PPP1R1C: variants seen among roughly 807,000 people sequenced by gnomAD.
The protein encoded by PPP1R1C is protein phosphatase 1 regulatory subunit 1C.
In PPP1R1C, 15 loss-of-function variants were observed where a neutral mutation model predicts 17.4. The observed-to-expected ratio is 0.86, with a 90% CI of 0.58 to 1.33. The LOEUF (loss-of-function observed/expected upper bound fraction) is 1.33. PPP1R1C is among the 40% of genes most tolerant of loss of function. The probability of loss-of-function intolerance (pLI) is 0.00; values close to 1 mark genes in which losing one functional copy is unlikely to be tolerated. For missense variants in PPP1R1C, 143 were observed against 130.0 expected (o/e 1.10, Z -0.48); for synonymous variants, 35 against 43.1 (o/e 0.81, Z 0.73).
intron 2 of PPP1R1C, among the ~76,000 whole-genome samples, chr2:182,058,904 T>G (rs1687767094): frequency 6.6e-6 from 1 of 152,140 alleles, no homozygotes; most frequent in South Asian, 2.1e-4. Flanking sequence ...TTTTGTTTCC[T>G]TTGCTCTTAC....
At chr2:182,069,310 T>G (rs1688076071) in intron 4 of PPP1R1C, among the ~76,000 whole-genome samples, 1 of 152,088 alleles carries the variant, frequency 6.6e-6, no homozygotes, top group African/African-American at 2.4e-5. Flanking sequence ...TGCTCCTATT[T>G]CCAGACCCAC....
chr2:182,012,296 G>A (rs952781228), intron 2 of PPP1R1C, among the ~76,000 whole-genome samples: 1 of 151,916 alleles, frequency 6.6e-6, no homozygotes, highest in South Asian at 2.1e-4. Flanking sequence ...ATGGGTGGGT[G>A]CATATATGTT....
chr2:182,007,838 G>A (rs890194371), intron 2 of PPP1R1C, among the ~76,000 whole-genome samples: 5 of 152,188 alleles, frequency 3.3e-5, no homozygotes, highest in African/African-American at 1.2e-4. Flanking sequence ...TGAGGCGGGT[G>A]GATCACGAGG....
intron 1 of PPP1R1C, among the ~76,000 whole-genome samples, chr2:181,963,219 G>A (rs1684840788): frequency 6.6e-6 from 1 of 152,062 alleles, no homozygotes; most frequent in Admixed American, 6.5e-5. Flanking sequence ...AATAAATTTA[G>A]GATAAAAGCA....
At chr2:182,062,218 T>C (rs1574420638) in intron 3 of PPP1R1C, among the ~76,000 whole-genome samples, 1 of 152,186 alleles carries the variant, frequency 6.6e-6, no homozygotes, top group Middle Eastern at 3.4e-3. Flanking sequence ...GGACAAAATA[T>C]CAAATAGTAT....
rs1247551525 is a variant in PPP1R1C, at chr2:181,967,179, G to A, written n.112-8040G>A. ...TTTTTGTCTCTGATTTTATTTATTT[G>A]AGTCTTCTCTCGTTTTTTGTTAGTA... On this transcript the variant is annotated intron_variant and non_coding_transcript_variant, in intron 1 of 5. Coordinates refer to the PPP1R1C transcript ENST00000464264. This position sits in a 1 kb window ranked among gnomAD's most constrained non-coding sequence, Gnocchi z 5.5. Among the ~76,000 whole-genome samples, 1 of 151,960 alleles carries A rather than the reference G, an allele frequency of 6.6e-6. No homozygotes were observed. The highest frequency in any genetic ancestry group is 1.5e-5 in the Non-Finnish European group (1 of 67,962).
intron 1 of PPP1R1C, among the ~76,000 whole-genome samples, chr2:181,955,017 C>T (rs1388221368): frequency 1.3e-5 from 2 of 152,140 alleles, no homozygotes; most frequent in Non-Finnish European, 2.9e-5. Flanking sequence ...CCTAGGTGAC[C>T]TCTGTCAGCT....
Position 182,000,489 on chromosome 2 carries a change from C to T in PPP1R1C, c.142+12590C>T, listed in dbSNP as rs72891090. Among the ~76,000 whole-genome samples the T allele has an allele frequency of 1.4e-3, 217 of 152,266 alleles. 1 individual carries two copies. The highest frequency in any genetic ancestry group is 3.4e-3 in the Middle Eastern group (1 of 294). On this transcript the variant is annotated intron_variant, in intron 2 of 4. Coordinates refer to ENST00000682840, the MANE Select transcript of PPP1R1C (RefSeq NM_001080545.3). ...ATCAAAAGGTCACATTTTGGGCAAC[C>T]AGGCAGGCCAAGCTGGAGGATCAGT...
At position 181,962,772 on chromosome 2, in the gene PPP1R1C, T is replaced by C. The variant is rs541347682; in HGVS notation, n.111+8138T>C. 1.2e-4 allele frequency among the ~76,000 whole-genome samples: 19 copies of C among 152,276 alleles called. 1 individual carries two copies. In the South Asian group the frequency reaches 3.5e-3, roughly 28 times the overall value. On this transcript the variant is annotated intron_variant and non_coding_transcript_variant, in intron 1 of 5. Coordinates refer to the PPP1R1C transcript ENST00000464264. The surrounding 1 kb of genome is among the most constrained non-coding windows in gnomAD (Gnocchi z 6.0). ...AGTTTTCCTAGGAGAGTCCCTTTTG[T>C]ATGAGACTGTGGCTGGAGATAAAGG...
intron 4 of PPP1R1C, among the ~76,000 whole-genome samples, chr2:182,088,553 TG>T (rs1688695044): frequency 6.6e-6 from 1 of 152,156 alleles, no homozygotes; most frequent in Admixed American, 6.6e-5. Flanking sequence ...GTCAAGGCGA[TG>T]GGGACATAGA....
chr2:182,128,521 G>T (rs1689930349), intron 5 of PPP1R1C, among the ~76,000 whole-genome samples: 1 of 152,086 alleles, frequency 6.6e-6, no homozygotes, highest in African/African-American at 2.4e-5. Flanking sequence ...TAGACAGAAA[G>T]CAGCAGTATT....
intron 4 of PPP1R1C, among the ~76,000 whole-genome samples, chr2:182,090,900 A>G (rs1282315968): frequency 6.6e-6 from 1 of 152,190 alleles, no homozygotes; most frequent in Non-Finnish European, 1.5e-5. Flanking sequence ...AAAACTTTAA[A>G]GTTTGAGAAT....
chr2:182,057,455 A>G (rs1032790438), intron 2 of PPP1R1C, among the ~76,000 whole-genome samples: 1 of 152,170 alleles, frequency 6.6e-6, no homozygotes, highest in Non-Finnish European at 1.5e-5. Context: ...TTTTCTGGAT[A>G]TGGGGAATAA....
chr2:181,981,999 C>T (rs1244133141), upstream of PPP1R1C, among the ~76,000 whole-genome samples: 1 of 152,042 alleles, frequency 6.6e-6, no homozygotes, highest in Non-Finnish European at 1.5e-5. Context: ...GTTAGCCAAC[C>T]AATTGTTAAA....
intron 1 of PPP1R1C, 118 bp downstream of exon 1, chr2:181,986,309 A>G: frequency 1.3e-6 from 1 of 781,928 alleles, no homozygotes; most frequent in South Asian, 1.6e-5. Flanking sequence ...TTTCAAGATA[A>G]TGTAAACAAG....
chr2:182,117,070 A>C, intron 4 of PPP1R1C, 137 bp from the exon 5 acceptor site: 2 of 672,326 alleles, frequency 3.0e-6, no homozygotes, highest in South Asian at 3.6e-5. Context: ...ATAGGATTAC[A>C]TTGTTAAGAT....
At chr2:182,006,517 G>A (rs962131411) in intron 2 of PPP1R1C, among the ~76,000 whole-genome samples, 1 of 152,198 alleles carries the variant, frequency 6.6e-6, no homozygotes, top group Non-Finnish European at 1.5e-5. Context: ...TTGGTTCTCA[G>A]GCCCGAAGGA....
chr2:182,059,561 G>C (rs1196156), intron 2 of PPP1R1C, among the ~76,000 whole-genome samples: 1 of 152,022 alleles, frequency 6.6e-6, no homozygotes, highest in African/African-American at 2.4e-5. Flanking sequence ...ACTATGATCT[G>C]TTATTGGCTT....
intron 4 of PPP1R1C, among the ~76,000 whole-genome samples, chr2:182,102,354 G>T (rs900716941): frequency 6.6e-6 from 1 of 152,156 alleles, no homozygotes; most frequent in African/African-American, 2.4e-5. Context: ...TGTTAGTAAA[G>T]TTATAGACTA....
Sources: gnomAD v4.1 joint callset for allele counts (sites outside exome capture counted in the v4.1 genomes callset) on GRCh38, gnomAD v4.1.1 for gene constraint, Gnocchi (gnomAD v3.1) non-coding constraint, MANE v1.5 for transcripts, NCBI Gene and HGNC (gene_info 2026-07-23, HGNC 2026-07-21) for gene names.